RMI1: variants seen among roughly 807,000 people sequenced by gnomAD.
The protein encoded by RMI1 is recQ-mediated genome instability protein 1.
RMI1 carries 36 observed loss-of-function variants against 46.7 expected under a neutral mutation model. The observed-to-expected ratio is 0.77, with a 90% CI of 0.59 to 1.02. The LOEUF (loss-of-function observed/expected upper bound fraction) is 1.02, where lower values mean the gene tolerates loss of function less well. Ranked by LOEUF, RMI1 falls within the 50% of genes least tolerant of loss-of-function variation. RMI1 has a pLI of 0.00. For missense variants in RMI1, 676 were observed against 713.7 expected (o/e 0.95, Z 0.60); for synonymous variants, 250 against 252.9 (o/e 0.99, Z 0.11).
chr9:83,990,097 T>C (rs1440031327), intron 1 of RMI1, among the ~76,000 whole-genome samples: 1 of 152,230 alleles, frequency 6.6e-6, no homozygotes, highest in Admixed American at 6.5e-5. Flanking sequence ...ACATGTTGCA[T>C]GTTCTCACTC....
intron 2 of RMI1, among the ~76,000 whole-genome samples, 200 bp from the exon 3 acceptor site, chr9:84,000,751 C>T (rs1178966439): frequency 6.6e-6 from 1 of 152,288 alleles, no homozygotes; most frequent in East Asian, 1.9e-4. Context: ...AGCCAGCTTT[C>T]AAACCTAGGT....
At chr9:83,996,408 CTTTAGCTACACTGTT>C (rs1455769828) in intron 1 of RMI1, among the ~76,000 whole-genome samples, 1 of 152,312 alleles carries the variant, frequency 6.6e-6, no homozygotes. Context: ...AGCTTTGTAT[CTTTAGCTACACTGTT>C]TTTAGCTAAG....
chr9:83,996,095 A>G (rs1195343858), intron 1 of RMI1, among the ~76,000 whole-genome samples: 3 of 151,908 alleles, frequency 2.0e-5, no homozygotes, highest in Admixed American at 6.6e-5. Flanking sequence ...CTCACGTTGG[A>G]TTGTTTTTTC....
At chr9:83,981,297 T>TA (rs1957386052) in intron 1 of RMI1, among the ~76,000 whole-genome samples, 1 of 152,240 alleles carries the variant, frequency 6.6e-6, no homozygotes. Context: ...CGCTGTAGTT[T>TA]ATTCCGATAA....
At chr9:83,997,103 C>G (rs908601876) in intron 1 of RMI1, among the ~76,000 whole-genome samples, 2 of 94,898 alleles carry the variant, frequency 2.1e-5, no homozygotes, top group Non-Finnish European at 4.5e-5. Flanking sequence ...GTCCAACACC[C>G]CCCCCTTTTT....
Position 83,999,738 on chromosome 9 carries a change from T to A in RMI1, c.-96T>A, listed in dbSNP as rs918814672. The A allele has an allele frequency of 1.3e-5, 2 of 152,240 alleles. No individual in the cohort carries two copies. Among genetic ancestry groups the A allele is most frequent in the African/African-American group, 4.8e-5 (2 of 41,464 alleles). 9.4% of individuals were successfully genotyped at this position (152,240 alleles called of 1,614,324 possible). ...ATTTCTGAGCAGTGGAGGTTTCAAGTAATCCACTAACAACCAGTTCCAAAT... is the reference window on the plus strand; with the variant it reads ...ATTTCTGAGCAGTGGAGGTTTCAAGAAATCCACTAACAACCAGTTCCAAAT... On this transcript the variant is annotated 5_prime_UTR_variant, in exon 2 of 3. It removes the in-frame stop codon of an upstream open reading frame in the 5' UTR. Transcript: ENST00000445877.
Position 84,003,008 on chromosome 9 carries a change from A to AC in RMI1, c.*144_*145insC. 1.8e-6 allele frequency: 1 copy of AC among 552,776 alleles called. No individual in the cohort carries two copies. The highest frequency in any genetic ancestry group is 3.4e-5 in the South Asian group (1 of 29,166). The allele number at this position is 552,776 out of a possible 1,614,324, so 34.2% of individuals were successfully genotyped here. On this transcript the variant is annotated 3_prime_UTR_variant, in exon 3 of 3. Transcript: ENST00000445877. ...CAGTTTAATTTTAAAGTGTTTAATC[A>AC]TGTTTGTTATATGTGGAGCTTTTGA...
At chr9:83,980,363 C>T (rs113095992), upstream of RMI1, 20 of 152,462 alleles carry the variant, frequency 1.3e-4, 1 homozygote, top group Admixed American at 1.3e-3. Flanking sequence ...AACCCCGCCT[C>T]CCGCCAGCGC....
At chr9:83,991,048 C>G (rs987641756) in intron 1 of RMI1, among the ~76,000 whole-genome samples, 2 of 152,068 alleles carry the variant, frequency 1.3e-5, no homozygotes, top group African/African-American at 4.8e-5. Flanking sequence ...CTCAGGTGAT[C>G]CACCCGCCTC....
intron 1 of RMI1, among the ~76,000 whole-genome samples, chr9:83,991,494 T>G (rs939291179): frequency 1.3e-5 from 2 of 152,048 alleles, no homozygotes; most frequent in African/African-American, 4.8e-5. Context: ...TTTTAAAAAT[T>G]TTTTGTAGAA....
At chr9:83,981,829 A>G (rs1016770533) in intron 1 of RMI1, among the ~76,000 whole-genome samples, 2 of 152,220 alleles carry the variant, frequency 1.3e-5, no homozygotes, top group South Asian at 2.1e-4. Context: ...TTAAATGGCC[A>G]TGATTGCATC....
chr9:83,988,389 G>C (rs1273382241), intron 1 of RMI1, among the ~76,000 whole-genome samples: 1 of 152,214 alleles, frequency 6.6e-6, no homozygotes, highest in East Asian at 1.9e-4. Flanking sequence ...CTGCAGCCTT[G>C]TCCTCCTAGG....
At chr9:83,992,830 A>G (rs190816053) in intron 1 of RMI1, 3 of 152,270 alleles carry the variant, frequency 2.0e-5, no homozygotes, top group African/African-American at 7.2e-5. Context: ...ATCAATATTC[A>G]TGTCATTGGC....
intron 1 of RMI1, among the ~76,000 whole-genome samples, chr9:83,987,574 T>C (rs990187483): frequency 5.3e-5 from 8 of 152,212 alleles, no homozygotes; most frequent in African/African-American, 1.7e-4. Flanking sequence ...ATAACAGTCA[T>C]GTAACCACCA....
At chr9:83,992,181 G>A (rs555842746) in intron 1 of RMI1, among the ~76,000 whole-genome samples, 4 of 152,122 alleles carry the variant, frequency 2.6e-5, no homozygotes, top group Non-Finnish European at 5.9e-5. Flanking sequence ...ATAGTTTTCA[G>A]CATAGTGTTT....
rs529451164 is a variant in RMI1, at chr9:83,999,165, A to G, written c.-125-544A>G. On this transcript the variant is annotated intron_variant, in intron 1 of 2. Coordinates refer to ENST00000445877, the MANE Select transcript of RMI1 (RefSeq NM_001358291.2). ...CAAAAAAGTAAAATAAAATAGAATA[A>G]AATAGAATAGAATAAAATAAAATAA... 8.5e-5 allele frequency among the ~76,000 whole-genome samples: 12 copies of G among 140,756 alleles called. No homozygotes were observed. In the East Asian group the frequency reaches 1.7e-3, roughly 20 times the overall value. 92.3% of individuals were successfully genotyped at this position (140,756 alleles called of 152,430 possible).
intron 1 of RMI1, among the ~76,000 whole-genome samples, chr9:83,983,122 A>G (rs1034945112): frequency 6.6e-6 from 1 of 152,244 alleles, no homozygotes. Context: ...AATAGTATTT[A>G]TAACTACTAT....
At chr9:83,986,266 T>C (rs534185621) in intron 1 of RMI1, among the ~76,000 whole-genome samples, 2 of 152,248 alleles carry the variant, frequency 1.3e-5, no homozygotes, top group Admixed American at 6.5e-5. Context: ...CATTTGATTT[T>C]GTAAATGAAA....
At chr9:83,984,388 G>T (rs1014096215) in intron 1 of RMI1, among the ~76,000 whole-genome samples, 1 of 151,172 alleles carries the variant, frequency 6.6e-6, no homozygotes, top group Non-Finnish European at 1.5e-5. Context: ...TCCTGCCTCA[G>T]CCTCCCGAGT....
Sources: gnomAD v4.1 joint callset for allele counts (sites outside exome capture counted in the v4.1 genomes callset) on GRCh38, gnomAD v4.1.1 for gene constraint, MANE v1.5 for transcripts, NCBI Gene and HGNC (gene_info 2026-07-23, HGNC 2026-07-21) for gene names.